RPRD2: variants seen among roughly 807,000 people sequenced by gnomAD.
RPRD2 encodes the protein regulation of nuclear pre-mRNA domain containing 2.
RPRD2 carries 12 observed loss-of-function variants against 104.4 expected under a neutral mutation model. That is an observed-to-expected ratio of 0.11 (90% CI 0.07 to 0.19). RPRD2 has a LOEUF of 0.19. Ranked by LOEUF, RPRD2 falls within the 10% of genes least tolerant of loss-of-function variation. The pLI is 1.00. For missense variants in RPRD2, 1,543 were observed against 1,790.1 expected, an observed-to-expected ratio of 0.86 and a Z score of 2.49; for synonymous variants, 714 against 684.9, an observed-to-expected ratio of 1.04 and a Z score of -0.66.
intron 1 of RPRD2, among the ~76,000 whole-genome samples, chr1:150,395,695 G>C (rs1560166261): frequency 6.6e-6 from 1 of 152,006 alleles, no homozygotes; most frequent in Non-Finnish European, 1.5e-5. Flanking sequence ...ATTTTTAGTA[G>C]AGACGGGGTT....
rs587656742 is a variant in RPRD2, at chr1:150,436,899, G to A, written c.336-4024G>A. 2.7e-4 allele frequency among the ~76,000 whole-genome samples: 40 copies of A among 148,872 alleles called. No homozygotes were observed. In the South Asian group the frequency reaches 7.7e-3, roughly 29 times the overall value. ...CAGCCTGGGCAACGAGCAAAACTCC[G>A]TCTCAAATAAAAAGAAAAAATACAG... On this transcript the variant is annotated intron_variant, in intron 2 of 10. Coordinates refer to ENST00000369068, the MANE Select transcript of RPRD2 (RefSeq NM_015203.5).
At chr1:150,393,535 A>G (rs1553883596) in intron 1 of RPRD2, among the ~76,000 whole-genome samples, 1 of 151,952 alleles carries the variant, frequency 6.6e-6, no homozygotes, top group East Asian at 1.9e-4. Context: ...GTATTCCTAC[A>G]GTGTGAATGT....
chr1:150,390,466 T>G (rs1243987996), intron 1 of RPRD2, among the ~76,000 whole-genome samples: 2 of 152,006 alleles, frequency 1.3e-5, no homozygotes, highest in Non-Finnish European at 2.9e-5. Flanking sequence ...GCCGTTACAC[T>G]CCAGCCTGGG....
intron 2 of RPRD2, among the ~76,000 whole-genome samples, chr1:150,422,353 A>AATAATAATAATAATAAT (rs1664822320): frequency 9.5e-6 from 1 of 104,936 alleles, no homozygotes; most frequent in Admixed American, 8.5e-5. Flanking sequence ...TAATAATAAT[A>AATAATAATAATAATAAT]ATAATAATAA....
At chr1:150,392,194 A>G (rs1553883289) in intron 1 of RPRD2, among the ~76,000 whole-genome samples, 1 of 151,998 alleles carries the variant, frequency 6.6e-6, no homozygotes, top group Non-Finnish European at 1.5e-5. Context: ...TCAAAAAAAA[A>G]AAGAAAAGAG....
intron 2 of RPRD2, among the ~76,000 whole-genome samples, chr1:150,428,454 C>CA (rs34596290): frequency 0.087 from 6,161 of 70,654 alleles, 375 homozygotes; most frequent in East Asian, 0.13. Context: ...GACTCTGTCT[C>CA]AAAAAAAAAA....
chr1:150,390,229 C>T (rs1207469613), intron 1 of RPRD2, among the ~76,000 whole-genome samples: 1 of 152,186 alleles, frequency 6.6e-6, no homozygotes, highest in East Asian at 1.9e-4. Context: ...CACAGTGGCT[C>T]ACGCCTGTAA....
chr1:150,470,075 A>AT (rs1259530344), intron 10 of RPRD2, among the ~76,000 whole-genome samples: 1 of 152,040 alleles, frequency 6.6e-6, no homozygotes, highest in African/African-American at 2.4e-5. Flanking sequence ...AACAATGTAT[A>AT]TTAACTTATT....
intron 1 of RPRD2, among the ~76,000 whole-genome samples, chr1:150,415,699 C>CA (rs1664282716): frequency 6.6e-6 from 1 of 151,684 alleles, no homozygotes; most frequent in East Asian, 1.9e-4. Flanking sequence ...ACAAAAAACA[C>CA]AAAAAAAGAA....
chr1:150,371,723 A>G (rs1348408440), intron 1 of RPRD2, among the ~76,000 whole-genome samples: 3 of 152,194 alleles, frequency 2.0e-5, no homozygotes, highest in Non-Finnish European at 4.4e-5. Context: ...GGTGGTGGAG[A>G]TGGAGACAGA....
At chr1:150,442,375 TG>T (rs1167454610) in intron 4 of RPRD2, among the ~76,000 whole-genome samples, 3 of 152,132 alleles carry the variant, frequency 2.0e-5, no homozygotes, top group Non-Finnish European at 4.4e-5. Flanking sequence ...TCTCCAGATT[TG>T]GGGGATATAC....
At chr1:150,384,319 A>G (rs1661376498) in intron 1 of RPRD2, among the ~76,000 whole-genome samples, 1 of 151,996 alleles carries the variant, frequency 6.6e-6, no homozygotes, top group Non-Finnish European at 1.5e-5. Flanking sequence ...AAACTATGTG[A>G]AACAGGTGAA....
chr1:150,430,909 A>G (rs1197579716), intron 2 of RPRD2, among the ~76,000 whole-genome samples: 1 of 151,594 alleles, frequency 6.6e-6, no homozygotes, highest in East Asian at 1.9e-4. Context: ...CTTGGCCAAC[A>G]AGAGCGAAAC....
intron 1 of RPRD2, among the ~76,000 whole-genome samples, chr1:150,401,105 A>G (rs1233164974): frequency 6.6e-6 from 1 of 152,042 alleles, no homozygotes; most frequent in Non-Finnish European, 1.5e-5. Flanking sequence ...GAACCCGGGA[A>G]GGTGGAGCTT....
At chr1:150,440,604 T>A (rs1666352300) in intron 2 of RPRD2, among the ~76,000 whole-genome samples, 1 of 152,214 alleles carries the variant, frequency 6.6e-6, no homozygotes, top group South Asian at 2.1e-4. Context: ...ACTAGTGTAA[T>A]TGTGTTTTAG....
Position 150,472,693 on chromosome 1 carries a change from G to C in RPRD2, c.3745G>C (p.Ala1249Pro). Residue 1249 changes from alanine (A) to proline (P), a missense_variant, in exon 11 of 11, where the codon GCC becomes CCC. Transcript: ENST00000369068. ...DLSNPFTKEA[A>P]LAHAAPPPPP... ...TTCGAACCCCTTCACAAAGGAGGCA[G>C]CCCTGGCCCATGCTGCCCCACCCCC... is the stretch of plus-strand genomic sequence containing the variant. 1 of 1,613,838 alleles carries C rather than the reference G, an allele frequency of 6.2e-7. No individual in the cohort carries two copies. Among genetic ancestry groups the C allele is most frequent in the Non-Finnish European group, 8.5e-7 (1 of 1,179,756 alleles).
At chr1:150,370,260 TA>T (rs1213146801) in intron 1 of RPRD2, among the ~76,000 whole-genome samples, 21 of 152,258 alleles carry the variant, frequency 1.4e-4, no homozygotes, top group East Asian at 7.7e-4. Flanking sequence ...TGGAAAAATA[TA>T]AAAGAGGCCT....
chr1:150,387,970 G>A (rs1254546918), intron 1 of RPRD2, among the ~76,000 whole-genome samples: 3 of 139,076 alleles, frequency 2.2e-5, no homozygotes. Flanking sequence ...AGGCTGGAGT[G>A]CAGTGGTGTG....
intron 2 of RPRD2, among the ~76,000 whole-genome samples, chr1:150,432,838 G>A (rs782362729): frequency 3.3e-5 from 5 of 151,710 alleles, no homozygotes; most frequent in Non-Finnish European, 7.4e-5. Context: ...TTAGCCAGGT[G>A]TGGTGGCATG....
Sources: allele counts gnomAD v4.1 joint callset (sites outside exome capture counted in the v4.1 genomes callset), GRCh38; gene constraint gnomAD v4.1.1; transcripts MANE v1.5; gene names NCBI Gene and HGNC (gene_info 2026-07-23, HGNC 2026-07-21).